RBFOX1: variants seen among roughly 807,000 people sequenced by gnomAD.
The protein encoded by RBFOX1 is RNA binding fox-1 homolog 1.
Under a neutral mutation model 57.7 loss-of-function variants are expected in RBFOX1, and 8 were observed. That is an observed-to-expected ratio of 0.14 (90% CI 0.08 to 0.25). RBFOX1 has a LOEUF of 0.25. Among genes scored for constraint, RBFOX1 ranks in the 10% least tolerant of loss-of-function variants. The probability of loss-of-function intolerance (pLI) is 1.00; values close to 1 mark genes in which losing one functional copy is unlikely to be tolerated. For missense variants in RBFOX1, 611 were observed against 548.5 expected (o/e 1.11, Z -1.14); for synonymous variants, 326 against 222.4 (o/e 1.47, Z -4.15).
At chr16:7,343,609 C>G (rs570293237) in intron 4 of RBFOX1, among the ~76,000 whole-genome samples, 1 of 152,270 alleles carries the variant, frequency 6.6e-6, no homozygotes, top group African/African-American at 2.4e-5. Context: ...TGTTTTTAGG[C>G]ATTTACTATA....
Position 7,471,819 on chromosome 16 carries a change from C to G in RBFOX1, c.28-46328C>G, listed in dbSNP as rs578010480. On this transcript the variant is annotated intron_variant, in intron 4 of 15. Coordinates refer to ENST00000550418, the MANE Select transcript of RBFOX1 (RefSeq NM_018723.4). The stretch of plus-strand genomic sequence containing the variant: ...GTGATTCTCTACTGTCTGGGAGCTC[C>G]AGGGCCTGACCCACAGATTGGCTGT... Among the ~76,000 whole-genome samples, 9 of 152,278 alleles carry G rather than the reference C, an allele frequency of 5.9e-5. No individual in the cohort carries two copies. In the South Asian group the frequency reaches 1.9e-3, roughly 32 times the overall value.
intron 11 of RBFOX1, among the ~76,000 whole-genome samples, chr16:7,633,478 C>T (rs1360319609): frequency 6.6e-6 from 1 of 151,924 alleles, no homozygotes; most frequent in Non-Finnish European, 1.5e-5. Flanking sequence ...TAATCTATTC[C>T]CCCATTCTTG....
intron 5 of RBFOX1, among the ~76,000 whole-genome samples, chr16:7,528,902 C>G (rs2079307853): frequency 6.6e-6 from 1 of 152,124 alleles, no homozygotes; most frequent in Non-Finnish European, 1.5e-5. Flanking sequence ...CTGGGAGAGC[C>G]AAAGAGTTCA....
At chr16:6,892,776 C>CTCTCTCTT (rs2065803164) in intron 3 of RBFOX1, among the ~76,000 whole-genome samples, 5 of 10,114 alleles carry the variant, frequency 4.9e-4, no homozygotes, top group Non-Finnish European at 1.3e-3. Flanking sequence ...CCCTGTCTCC[C>CTCTCTCTT]TCTCTCTCTC....
chr16:6,985,651 A>C (rs568201247), intron 3 of RBFOX1, among the ~76,000 whole-genome samples: 1 of 152,000 alleles, frequency 6.6e-6, no homozygotes. Flanking sequence ...AGCGTGGCAA[A>C]ACCCCATCTC....
At chr16:7,525,966 A>G (rs2078610522) in intron 5 of RBFOX1, among the ~76,000 whole-genome samples, 1 of 152,152 alleles carries the variant, frequency 6.6e-6, no homozygotes, top group African/African-American at 2.4e-5. Context: ...CTCCCAGGCC[A>G]CAGATCAGTA....
intron 9 of RBFOX1, among the ~76,000 whole-genome samples, chr16:7,605,964 T>C (rs1035158450): frequency 1.3e-5 from 2 of 151,710 alleles, no homozygotes; most frequent in Admixed American, 1.3e-4. Context: ...TCAGCCTGAT[T>C]AGTTGTTACT....
At position 5,995,419 on chromosome 16, in the gene RBFOX1, A is replaced by G. The variant is rs142057675; in HGVS notation, c.351+128084A>G. Among the ~76,000 whole-genome samples, 216 of 152,294 alleles carry G rather than the reference A, an allele frequency of 1.4e-3. 1 individual carries two copies. The highest frequency in any genetic ancestry group is 5.1e-3 in the Admixed American group (78 of 15,292). ...AATTTTAGAGTCCTACCAGAAGAGCATGATGGTAAGTGCTTTTATCAAAGG... is the reference window on the plus strand; with the variant it reads ...AATTTTAGAGTCCTACCAGAAGAGCGTGATGGTAAGTGCTTTTATCAAAGG... On this transcript the variant is annotated intron_variant, in intron 4 of 19. Coordinates refer to the RBFOX1 transcript ENST00000641259.
chr16:5,523,606 G>C (rs774400589), intron 2 of RBFOX1, among the ~76,000 whole-genome samples: 1 of 149,182 alleles, frequency 6.7e-6, no homozygotes, highest in Non-Finnish European at 1.5e-5. Context: ...GACAAAGTGA[G>C]ACCCTGTCTA....
chr16:6,849,573 A>C (rs1173124700), intron 3 of RBFOX1, among the ~76,000 whole-genome samples: 2 of 152,152 alleles, frequency 1.3e-5, no homozygotes, highest in Admixed American at 1.3e-4. Context: ...ACAGGCTGAG[A>C]CAGGAGAATT....
intron 3 of RBFOX1, among the ~76,000 whole-genome samples, chr16:5,819,226 G>A (rs2118016): frequency 0.035 from 5,290 of 152,228 alleles, 135 homozygotes; most frequent in Non-Finnish European, 0.052. Context: ...CTAGATGGCC[G>A]TCTTTTCAAT....
At chr16:7,033,969 A>G (rs904919768) in intron 3 of RBFOX1, among the ~76,000 whole-genome samples, 10 of 152,210 alleles carry the variant, frequency 6.6e-5, no homozygotes, top group African/African-American at 2.2e-4. Context: ...ACCCTGTCTA[A>G]AATGTCTAAA....
chr16:7,569,551 C>T (rs1346813166), intron 5 of RBFOX1, among the ~76,000 whole-genome samples: 1 of 152,198 alleles, frequency 6.6e-6, no homozygotes, highest in South Asian at 2.1e-4. Context: ...CCAGGATAAT[C>T]TATTTTATGG....
At chr16:5,769,686 A>G (rs1415636271) in intron 3 of RBFOX1, among the ~76,000 whole-genome samples, 3 of 152,118 alleles carry the variant, frequency 2.0e-5, no homozygotes, top group African/African-American at 7.2e-5. Context: ...ACAAACAAAT[A>G]CAGGAGGAAG....
intron 2 of RBFOX1, among the ~76,000 whole-genome samples, chr16:5,594,943 C>T (rs576150092): frequency 7.0e-6 from 1 of 142,078 alleles, no homozygotes; most frequent in South Asian, 2.2e-4. Flanking sequence ...ACCAGCCTGG[C>T]CAACATGGTA....
At chr16:5,484,548 C>T (rs1052419955) in intron 2 of RBFOX1, among the ~76,000 whole-genome samples, 14 of 152,266 alleles carry the variant, frequency 9.2e-5, no homozygotes, top group African/African-American at 3.4e-4. Context: ...GAGGCTGAGG[C>T]AGGAAGACTG....
At chr16:7,666,514 G>A (rs561441028) in intron 13 of RBFOX1, among the ~76,000 whole-genome samples, 3 of 152,216 alleles carry the variant, frequency 2.0e-5, no homozygotes, top group Non-Finnish European at 2.9e-5. Flanking sequence ...TTAATGTGTG[G>A]TGTCTTATGC....
At chr16:5,590,122 G>T (rs916787764) in intron 2 of RBFOX1, among the ~76,000 whole-genome samples, 5 of 152,092 alleles carry the variant, frequency 3.3e-5, no homozygotes, top group Non-Finnish European at 7.3e-5. Context: ...CCTTGAAATT[G>T]ATTTCTTTAT....
chr16:5,971,403 A>G lies in RBFOX1; in HGVS notation c.351+104068A>G, dbSNP rs528726858. 1.9e-4 allele frequency among the ~76,000 whole-genome samples: 29 copies of G among 152,338 alleles called. 2 individuals carry two copies. The South Asian group carries it at 4.1e-3, about 22-fold the overall frequency. ...ATAAGATATGCTGGGTGTGGGGACC[A>G]TAGATCTCAGGAGGTTTCAAGGATG... On this transcript the variant is annotated intron_variant, in intron 4 of 19. Transcript: ENST00000641259.
Sources: allele counts gnomAD v4.1 joint callset (sites outside exome capture counted in the v4.1 genomes callset), GRCh38; gene constraint gnomAD v4.1.1; transcripts MANE v1.5; gene names NCBI Gene and HGNC (gene_info 2026-07-23, HGNC 2026-07-21).